The following BCKDHA variants were observed in gnomAD, a reference collection of about 807,000 sequenced individuals.
BCKDHA encodes branched chain keto acid dehydrogenase E1 subunit alpha, also known as 2-oxoisovalerate dehydrogenase subunit alpha, mitochondrial.
In BCKDHA, 43 loss-of-function variants were observed where a neutral mutation model predicts 52.2. The observed-to-expected ratio is 0.82, with a 90% CI of 0.64 to 1.06. BCKDHA has a LOEUF of 1.06. BCKDHA is among the 50% of genes least tolerant of loss of function. The pLI is 0.00. For synonymous variants in BCKDHA, 234 were observed against 247.9 expected (o/e 0.94, Z 0.53); for missense variants, 527 against 621.3 (o/e 0.85, Z 1.61).
chr19:41,401,914 T>G (rs2039143156), intron 1 of BCKDHA, among the ~76,000 whole-genome samples: 1 of 152,184 alleles, frequency 6.6e-6, no homozygotes, highest in African/African-American at 2.4e-5. Flanking sequence ...GTACTCAGTG[T>G]ATGTATTAGT....
intron 1 of BCKDHA, among the ~76,000 whole-genome samples, chr19:41,403,818 C>T (rs1309008588): frequency 3.9e-5 from 6 of 152,220 alleles, no homozygotes; most frequent in African/African-American, 1.4e-4. Flanking sequence ...GGCCGCGTGG[C>T]TGGAAAGAGA....
intron 1 of BCKDHA, among the ~76,000 whole-genome samples, chr19:41,408,310 C>T (rs2039215492): frequency 6.7e-6 from 1 of 149,636 alleles, no homozygotes; most frequent in Non-Finnish European, 1.5e-5. Flanking sequence ...GTTATTTTAC[C>T]TCCCCAGGCC....
At chr19:41,422,479 TCCTGTGG>T in intron 6 of BCKDHA, 109 bp downstream of exon 6, 3 of 1,570,666 alleles carry the variant, frequency 1.9e-6, no homozygotes, top group Middle Eastern at 1.9e-4. Context: ...TCGTCCTGTG[TCCTGTGG>T]CGTCTGGCAC....
chr19:41,422,607 T>C (rs1378554942), intron 6 of BCKDHA, 22 bp from the exon 7 acceptor site: 12 of 1,613,702 alleles, frequency 7.4e-6, no homozygotes, highest in Non-Finnish European at 9.3e-6. Context: ...TGGCCTGACC[T>C]GCCTTCTCTG....
At chr19:41,418,783 T>G in intron 4 of BCKDHA, 4 of 450,014 alleles carry the variant, frequency 8.9e-6, no homozygotes, top group South Asian at 6.3e-5. Context: ...CAAGCGATCC[T>G]CCAACGTCAG....
At chr19:41,399,732 CCTTTT>C (rs1012118878) in intron 1 of BCKDHA, 15 of 148,072 alleles carry the variant, frequency 1.0e-4, no homozygotes, top group African/African-American at 3.9e-4. Flanking sequence ...CCTTTCCTTT[CCTTTT>C]CTCTTCTCTT....
At chr19:41,411,471 C>T (rs1023571938) in intron 3 of BCKDHA, among the ~76,000 whole-genome samples, 2 of 151,056 alleles carry the variant, frequency 1.3e-5, no homozygotes, top group Admixed American at 6.6e-5. Context: ...AATGACCATA[C>T]ATCCAGAGGG....
At chr19:41,413,157 G>A (rs1037707739) in intron 3 of BCKDHA, among the ~76,000 whole-genome samples, 4 of 152,216 alleles carry the variant, frequency 2.6e-5, no homozygotes, top group African/African-American at 4.8e-5. Flanking sequence ...GCATGTCCAA[G>A]CTTCATGGCT....
chr19:41,409,547 C>T (rs1010495513), intron 1 of BCKDHA, among the ~76,000 whole-genome samples: 2 of 151,896 alleles, frequency 1.3e-5, no homozygotes, highest in Non-Finnish European at 2.9e-5. Flanking sequence ...GACACTGAAG[C>T]GTATGTAGCA....
intron 5 of BCKDHA, among the ~76,000 whole-genome samples, chr19:41,419,631 AG>A (rs2039343056): frequency 6.6e-6 from 1 of 151,858 alleles, no homozygotes; most frequent in Non-Finnish European, 1.5e-5. Flanking sequence ...TAATAGAGAC[AG>A]GGTTTCACCG....
chr19:41,420,385 GA>G (rs34447852), intron 5 of BCKDHA, among the ~76,000 whole-genome samples: 3,255 of 148,760 alleles, frequency 0.022, 124 homozygotes, highest in African/African-American at 0.075. Flanking sequence ...AAGTGAATGG[GA>G]AAAAAAAAAG....
intron 4 of BCKDHA, among the ~76,000 whole-genome samples, chr19:41,416,256 T>C (rs2039306914): frequency 6.6e-6 from 1 of 152,148 alleles, no homozygotes. Flanking sequence ...GCCAAGGTGC[T>C]GTTATATGTG....
intron 4 of BCKDHA, among the ~76,000 whole-genome samples, chr19:41,416,664 A>C (rs2122127807): frequency 6.6e-6 from 1 of 152,176 alleles, no homozygotes; most frequent in Middle Eastern, 3.2e-3. Flanking sequence ...TCACGCCTGT[A>C]ATCCCAGCAC....
At chr19:41,424,374 C>CAGG (rs1351124466) in intron 8 of BCKDHA, 64 bp from the exon 9 acceptor site, 17 of 1,595,638 alleles carry the variant, frequency 1.1e-5, no homozygotes, top group Non-Finnish European at 1.3e-5. Context: ...CAAGGCCCCG[C>CAGG]AGGAGGAAGC....
chr19:41,407,499 T>G (rs1308742660), intron 1 of BCKDHA, among the ~76,000 whole-genome samples: 1 of 152,158 alleles, frequency 6.6e-6, no homozygotes. Context: ...TAGGTCAGTG[T>G]CTGGCTATGC....
intron 5 of BCKDHA, among the ~76,000 whole-genome samples, chr19:41,420,260 G>A (rs1170561602): frequency 6.6e-5 from 10 of 152,288 alleles, no homozygotes; most frequent in Middle Eastern, 3.4e-3. Flanking sequence ...AATGCTTCAC[G>A]TTCATCATCT....
At chr19:41,407,240 G>A (rs2039203557) in intron 1 of BCKDHA, among the ~76,000 whole-genome samples, 1 of 152,158 alleles carries the variant, frequency 6.6e-6, no homozygotes, top group Non-Finnish European at 1.5e-5. Context: ...TTCACGTGGT[G>A]TTCTGCAGCC....
At chr19:41,413,303 A>G (rs1257011330) in intron 3 of BCKDHA, among the ~76,000 whole-genome samples, 4 of 152,154 alleles carry the variant, frequency 2.6e-5, no homozygotes, top group Admixed American at 2.6e-4. Context: ...CTCTGGCTGC[A>G]AGGGAGGCCA....
intron 1 of BCKDHA, among the ~76,000 whole-genome samples, chr19:41,408,436 G>T (rs148998046): frequency 6.5e-4 from 99 of 152,186 alleles, no homozygotes; most frequent in African/African-American, 2.3e-3. Context: ...TGCTTCATAA[G>T]GGGGAGCTAT....
Sources: allele counts gnomAD v4.1 joint callset (sites outside exome capture counted in the v4.1 genomes callset), GRCh38; gene constraint gnomAD v4.1.1; transcripts MANE v1.5; gene names NCBI Gene and HGNC (gene_info 2026-07-23, HGNC 2026-07-21).